INPP5A: variants seen among roughly 807,000 people sequenced by gnomAD.
INPP5A encodes inositol polyphosphate-5-phosphatase A, also known as 43 kDa inositol polyphosphate 5-phophatase.
Under a neutral mutation model 65.2 loss-of-function variants are expected in INPP5A, and 14 were observed. The observed-to-expected ratio is 0.21, with a 90% confidence interval of 0.14 to 0.34. INPP5A has a LOEUF of 0.34. Ranked by LOEUF, INPP5A falls within the 10% of genes least tolerant of loss-of-function variation. The pLI is 1.00. For missense variants in INPP5A, 431 were observed against 545.6 expected (o/e 0.79, Z 2.09); for synonymous variants, 207 against 208.3 (o/e 0.99, Z 0.05).
intron 4 of INPP5A, among the ~76,000 whole-genome samples, chr10:132,677,921 C>T (rs1329895170): frequency 6.6e-6 from 1 of 152,228 alleles, no homozygotes; most frequent in African/African-American, 2.4e-5. Flanking sequence ...ATATCATTAG[C>T]TTTGTAAAGT....
intron 9 of INPP5A, among the ~76,000 whole-genome samples, chr10:132,748,743 T>TC (rs1461784752): frequency 1.3e-5 from 2 of 152,152 alleles, no homozygotes; most frequent in Non-Finnish European, 2.9e-5. Flanking sequence ...TCACTCAGCC[T>TC]CCCTCTCCTC....
At chr10:132,680,928 C>CCT (rs1190649397) in intron 4 of INPP5A, among the ~76,000 whole-genome samples, 1 of 152,252 alleles carries the variant, frequency 6.6e-6, no homozygotes, top group Non-Finnish European at 1.5e-5. Context: ...CATGCCTGAG[C>CCT]CTCCCACCCG....
At chr10:132,722,986 G>T (rs1173813297) in intron 8 of INPP5A, among the ~76,000 whole-genome samples, 1 of 152,204 alleles carries the variant, frequency 6.6e-6, no homozygotes, top group African/African-American at 2.4e-5. Flanking sequence ...GCACTCAGGT[G>T]ATTGCCTCGG....
At chr10:132,723,211 G>A (rs890015618) in intron 8 of INPP5A, among the ~76,000 whole-genome samples, 2 of 152,246 alleles carry the variant, frequency 1.3e-5, no homozygotes, top group African/African-American at 4.8e-5. Flanking sequence ...CGGCTTTCTC[G>A]GGAAGAAGGA....
At chr10:132,749,427 A>G in intron 9 of INPP5A, 90 bp from the exon 10 acceptor site, 2 of 1,194,566 alleles carry the variant, frequency 1.7e-6, no homozygotes, top group South Asian at 1.4e-5. Context: ...GGAACCAGCC[A>G]TCCTATCCCA....
intron 4 of INPP5A, among the ~76,000 whole-genome samples, chr10:132,689,835 G>A (rs1413900398): frequency 6.6e-6 from 1 of 152,226 alleles, no homozygotes; most frequent in Non-Finnish European, 1.5e-5. Context: ...GCAACCATCC[G>A]GCTAATTTGT....
intron 12 of INPP5A, among the ~76,000 whole-genome samples, chr10:132,767,017 G>A (rs1455929763): frequency 2.9e-5 from 4 of 139,646 alleles, no homozygotes; most frequent in South Asian, 2.5e-4. Context: ...CTCGGAGCTT[G>A]GGTGGGAGCT....
Position 132,537,835 on chromosome 10 carries a change from G to A in INPP5A, c.-262G>A, listed in dbSNP as rs2070857518. 2.8e-6 allele frequency: 1 copy of A among 357,446 alleles called. No homozygotes were observed. Among genetic ancestry groups the A allele is most frequent in the Non-Finnish European group, 5.0e-6 (1 of 199,756 alleles). The allele number at this position is 357,446 out of a possible 1,614,324, so 22.1% of individuals were successfully genotyped here. ...GGCGGCTGCGGGAACTTTCCCAGCGGATCTAATGGCTGCGCGCGGGCCGCT... is the reference window on the plus strand; with the variant it reads ...GGCGGCTGCGGGAACTTTCCCAGCGAATCTAATGGCTGCGCGCGGGCCGCT... On this transcript the variant is annotated 5_prime_UTR_variant, in exon 1 of 16. Coordinates refer to ENST00000368594, the MANE Select transcript of INPP5A (RefSeq NM_005539.5).
intron 4 of INPP5A, among the ~76,000 whole-genome samples, chr10:132,683,196 G>A (rs543029350): frequency 9.5e-5 from 14 of 146,746 alleles, no homozygotes; most frequent in African/African-American, 3.6e-4. Context: ...ACGTGTACAC[G>A]TATTATCCTA....
Position 132,616,694 on chromosome 10 carries a change from A to G in INPP5A, c.117+8738A>G, listed in dbSNP as rs1302545740. On this transcript the variant is annotated intron_variant, in intron 2 of 15. Transcript: ENST00000368594. This position sits in a 1 kb window ranked among gnomAD's most constrained non-coding sequence, Gnocchi z 4.9. ...TGGTGGTGATGGAGGTGGTGTGGTA[A>G]TGTGGCGTGGAGGATGCAGTGTGGG... Among the ~76,000 whole-genome samples the G allele has an allele frequency of 6.8e-6, 1 of 147,482 alleles. No individual in the cohort carries two copies. Among genetic ancestry groups the G allele is most frequent in the Non-Finnish European group, 1.5e-5 (1 of 66,900 alleles).
chr10:132,646,329 A>G (rs765578431), intron 3 of INPP5A, among the ~76,000 whole-genome samples: 1 of 152,164 alleles, frequency 6.6e-6, no homozygotes, highest in Non-Finnish European at 1.5e-5. Flanking sequence ...GTCTGTCTCA[A>G]GGAGGTCGGC....
At chr10:132,579,530 A>G (rs1302307728) in intron 1 of INPP5A, among the ~76,000 whole-genome samples, 2 of 151,996 alleles carry the variant, frequency 1.3e-5, no homozygotes, top group African/African-American at 4.8e-5. Flanking sequence ...GTGAGGATGA[A>G]CTGGGCTGAT....
intron 1 of INPP5A, among the ~76,000 whole-genome samples, chr10:132,600,026 C>G (rs1021563469): frequency 6.6e-6 from 1 of 152,160 alleles, no homozygotes; most frequent in African/African-American, 2.4e-5. Flanking sequence ...GGAGGTGTTG[C>G]CATGAAGGTC....
At chr10:132,658,125 TATTG>T (rs2072684030) in intron 4 of INPP5A, among the ~76,000 whole-genome samples, 1 of 152,218 alleles carries the variant, frequency 6.6e-6, no homozygotes, top group African/African-American at 2.4e-5. Context: ...AAATTAAAAA[TATTG>T]ATCTCTGGAA....
chr10:132,752,705 C>T (rs1343736507), intron 11 of INPP5A, among the ~76,000 whole-genome samples: 1 of 119,786 alleles, frequency 8.3e-6, no homozygotes, highest in Non-Finnish European at 1.8e-5. Flanking sequence ...GGGGGTGCGG[C>T]GTGGAGGCGG....
At chr10:132,653,132 G>A (rs920579827) in intron 4 of INPP5A, among the ~76,000 whole-genome samples, 4 of 152,248 alleles carry the variant, frequency 2.6e-5, no homozygotes, top group Admixed American at 6.5e-5. Context: ...CCGTCTGTCC[G>A]AGCCTGGCTG....
chr10:132,671,728 T>G (rs555703964), intron 4 of INPP5A, among the ~76,000 whole-genome samples: 1 of 152,212 alleles, frequency 6.6e-6, no homozygotes, highest in Non-Finnish European at 1.5e-5. Flanking sequence ...GTGCCACCCA[T>G]GCAGGGATCA....
chr10:132,780,560 C>G (rs1267847831), intron 13 of INPP5A, among the ~76,000 whole-genome samples: 2 of 152,374 alleles, frequency 1.3e-5, no homozygotes, highest in African/African-American at 4.8e-5. Context: ...GCCGGGCCAG[C>G]ACCCGCGGCT....
chr10:132,596,975 G>A (rs1316924986), intron 1 of INPP5A, among the ~76,000 whole-genome samples: 3 of 140,276 alleles, frequency 2.1e-5, no homozygotes, highest in Non-Finnish European at 4.6e-5. Flanking sequence ...GTGTGTGCAT[G>A]CGTGTGTGCA....
Sources: gnomAD v4.1 joint callset for allele counts (sites outside exome capture counted in the v4.1 genomes callset) on GRCh38, gnomAD v4.1.1 for gene constraint, Gnocchi (gnomAD v3.1) non-coding constraint, MANE v1.5 for transcripts, NCBI Gene and HGNC (gene_info 2026-07-23, HGNC 2026-07-21) for gene names.